The following AGBL1 variants were observed in gnomAD, a reference collection of about 807,000 sequenced individuals.
The protein encoded by AGBL1 is cytosolic carboxypeptidase 4.
AGBL1 carries 130 observed loss-of-function variants against 118.9 expected under a neutral mutation model. That is an observed-to-expected ratio of 1.09 (90% CI 0.95 to 1.26). The LOEUF is 1.26. AGBL1 is among the 50% of genes most tolerant of loss of function. The pLI is 0.00. For synonymous variants in AGBL1, 555 were observed against 478.9 expected (o/e 1.16, Z -2.08); for missense variants, 1,584 against 1,298.1 (o/e 1.22, Z -3.38).
chr15:86,387,970 T>G (rs1567231091), intron 17 of AGBL1, among the ~76,000 whole-genome samples: 1 of 152,184 alleles, frequency 6.6e-6, no homozygotes, highest in Non-Finnish European at 1.5e-5. Context: ...GGACAGGGTC[T>G]GGGGCTACTT....
At chr15:86,162,412 G>T (rs1830551924) in intron 5 of AGBL1, among the ~76,000 whole-genome samples, 1 of 152,186 alleles carries the variant, frequency 6.6e-6, no homozygotes, top group Admixed American at 6.5e-5. Flanking sequence ...CTCCAATGAA[G>T]CTCTGTCTCC....
intron 18 of AGBL1, among the ~76,000 whole-genome samples, chr15:86,503,137 C>A (rs1199134098): frequency 6.6e-6 from 1 of 151,376 alleles, no homozygotes; most frequent in African/African-American, 2.4e-5. Context: ...AGGTCTATTT[C>A]AATTTAATAT....
intron 18 of AGBL1, among the ~76,000 whole-genome samples, chr15:86,398,728 T>C (rs1475097440): frequency 6.6e-6 from 1 of 152,036 alleles, no homozygotes; most frequent in Non-Finnish European, 1.5e-5. Flanking sequence ...CAGCCAAGAA[T>C]AGACTAGTTT....
At chr15:86,462,910 C>A (rs1212438759) in intron 18 of AGBL1, among the ~76,000 whole-genome samples, 1 of 152,134 alleles carries the variant, frequency 6.6e-6, no homozygotes, top group African/African-American at 2.4e-5. Flanking sequence ...CATACATGTG[C>A]ATGTGTATTT....
chr15:87,014,150 C>T (rs1386036283), intron 24 of AGBL1, among the ~76,000 whole-genome samples: 1 of 152,076 alleles, frequency 6.6e-6, no homozygotes, highest in African/African-American at 2.4e-5. Flanking sequence ...TGATATAGCC[C>T]AGAAATGTTA....
chr15:87,005,026 G>C lies in AGBL1; in HGVS notation c.3323+16938G>C, dbSNP rs551657107. 3.5e-3 allele frequency among the ~76,000 whole-genome samples: 527 copies of C among 152,276 alleles called. 9 individuals are homozygous for C. Among genetic ancestry groups the C allele is most frequent in the African/African-American group, 0.012 (484 of 41,554 alleles). ...AATGTTGAATATTGGCCCCCACTCTGTTCTGGCTTGTAGAGTTTCTGCCAA... is the reference window on the plus strand; with the variant it reads ...AATGTTGAATATTGGCCCCCACTCTCTTCTGGCTTGTAGAGTTTCTGCCAA... On this transcript the variant is annotated intron_variant, in intron 24 of 24. Transcript: ENST00000441037.
At chr15:86,846,918 A>C (rs978476389) in intron 22 of AGBL1, among the ~76,000 whole-genome samples, 3 of 152,102 alleles carry the variant, frequency 2.0e-5, no homozygotes, top group Non-Finnish European at 4.4e-5. Context: ...TCTAAAATGT[A>C]TGTATTGACA....
intron 17 of AGBL1, among the ~76,000 whole-genome samples, chr15:86,372,058 T>G (rs2080978822): frequency 6.6e-6 from 1 of 152,214 alleles, no homozygotes; most frequent in South Asian, 2.1e-4. Context: ...GACCCATAGC[T>G]GCTGGGCTTT....
chr15:86,917,752 G>A (rs1170591908), downstream of AGBL1, among the ~76,000 whole-genome samples: 2 of 149,114 alleles, frequency 1.3e-5, no homozygotes, highest in African/African-American at 2.5e-5. The surrounding 1 kb of genome is among the most constrained non-coding windows in gnomAD (Gnocchi z 4.8). Flanking sequence ...TCGGGGAGTG[G>A]GGCCAGGGGT....
intron 22 of AGBL1, among the ~76,000 whole-genome samples, chr15:86,875,125 C>T (rs1199041214): frequency 6.6e-6 from 1 of 152,086 alleles, no homozygotes; most frequent in African/African-American, 2.4e-5. Flanking sequence ...TTCATGACCC[C>T]CAGAGAAAAC....
chr15:86,709,557 T>A (rs1419747323), intron 22 of AGBL1, among the ~76,000 whole-genome samples: 2 of 152,154 alleles, frequency 1.3e-5, no homozygotes, highest in Non-Finnish European at 2.9e-5. Context: ...TGCAAAGACA[T>A]TCAACAAATG....
intron 5 of AGBL1, among the ~76,000 whole-genome samples, chr15:86,224,183 C>T (rs934702724): frequency 1.3e-5 from 2 of 152,144 alleles, no homozygotes; most frequent in Non-Finnish European, 2.9e-5. Flanking sequence ...TATAATTATA[C>T]TACACTGCCC....
At chr15:86,166,806 A>G (rs1336253601) in intron 5 of AGBL1, among the ~76,000 whole-genome samples, 1 of 152,172 alleles carries the variant, frequency 6.6e-6, no homozygotes, top group Non-Finnish European at 1.5e-5. Flanking sequence ...AATAAGTTAC[A>G]CAGACAGGCC....
chr15:86,678,048 G>T (rs2085880902), intron 22 of AGBL1, among the ~76,000 whole-genome samples: 1 of 152,066 alleles, frequency 6.6e-6, no homozygotes, highest in Non-Finnish European at 1.5e-5. Context: ...ACCATATGAT[G>T]CCTTGCAGCC....
At chr15:86,491,962 A>G (rs950418568) in intron 18 of AGBL1, among the ~76,000 whole-genome samples, 1 of 152,046 alleles carries the variant, frequency 6.6e-6, no homozygotes, top group Non-Finnish European at 1.5e-5. Flanking sequence ...GCCTAATACT[A>G]CACATTCATG....
chr15:86,135,731 T>C (rs183502520), intron 1 of AGBL1, among the ~76,000 whole-genome samples: 10 of 152,204 alleles, frequency 6.6e-5, no homozygotes, highest in Admixed American at 2.0e-4. Flanking sequence ...GTGTGGGAGA[T>C]TAAAAGTGGC....
intron 9 of AGBL1, among the ~76,000 whole-genome samples, chr15:86,261,367 G>A (rs1204803319): frequency 6.6e-6 from 1 of 152,126 alleles, no homozygotes; most frequent in East Asian, 1.9e-4. Context: ...GCACAAGAGT[G>A]GGGGCCATGG....
At chr15:86,952,514 C>T (rs1325787168) in intron 23 of AGBL1, among the ~76,000 whole-genome samples, 2 of 151,998 alleles carry the variant, frequency 1.3e-5, no homozygotes, top group Admixed American at 6.6e-5. Context: ...GTATCCTTTG[C>T]CCATTTTTTA....
chr15:86,999,265 C>T (rs999020821), intron 24 of AGBL1, among the ~76,000 whole-genome samples: 1 of 151,324 alleles, frequency 6.6e-6, no homozygotes, highest in Admixed American at 6.6e-5. Flanking sequence ...TACATGTGCA[C>T]ATTGTGCAGG....
Sources: gnomAD v4.1 joint callset for allele counts (sites outside exome capture counted in the v4.1 genomes callset) on GRCh38, gnomAD v4.1.1 for gene constraint, Gnocchi (gnomAD v3.1) non-coding constraint, MANE v1.5 for transcripts, NCBI Gene and HGNC (gene_info 2026-07-23, HGNC 2026-07-21) for gene names.